The following NRXN1 variants were observed in gnomAD, a reference collection of about 807,000 sequenced individuals.
NRXN1 encodes neurexin 1, also known as neurexin-1.
A neutral mutation model predicts 150.9 loss-of-function variants in NRXN1; 39 were observed. That is an observed-to-expected ratio of 0.26 (90% CI 0.20 to 0.34). NRXN1 has a LOEUF of 0.34. Among genes scored for constraint, NRXN1 ranks in the 10% least tolerant of loss-of-function variants. The probability of loss-of-function intolerance (pLI) is 1.00; values close to 1 mark genes in which losing one functional copy is unlikely to be tolerated. For synonymous variants in NRXN1, 924 were observed against 757.0 expected, an observed-to-expected ratio of 1.22 and a Z score of -3.62; for missense variants, 1,815 against 1,949.9, an observed-to-expected ratio of 0.93 and a Z score of 1.30.
intron 5 of NRXN1, among the ~76,000 whole-genome samples, chr2:50,839,723 C>T (rs867090368): frequency 6.6e-5 from 10 of 152,014 alleles, no homozygotes; most frequent in African/African-American, 2.4e-4. Context: ...AAAGAAAACA[C>T]ATAAGAATGC....
chr2:50,821,829 C>T (rs918738064), intron 5 of NRXN1, among the ~76,000 whole-genome samples: 2 of 152,064 alleles, frequency 1.3e-5, no homozygotes, highest in African/African-American at 2.4e-5. Flanking sequence ...ATAAGGTGGA[C>T]AAATAAGTAG....
intron 2 of NRXN1, among the ~76,000 whole-genome samples, chr2:50,992,119 T>G (rs958522470): frequency 1.3e-5 from 2 of 151,976 alleles, no homozygotes; most frequent in Admixed American, 6.6e-5. Flanking sequence ...GAGAGAAGAA[T>G]AAACCTGGCT....
intron 5 of NRXN1, among the ~76,000 whole-genome samples, chr2:50,823,004 C>T (rs1327827858): frequency 6.6e-6 from 1 of 152,150 alleles, no homozygotes; most frequent in Non-Finnish European, 1.5e-5. Flanking sequence ...AACATTCAGT[C>T]GCTCAGCATA....
chr2:50,405,300 T>C (rs1352281115), intron 17 of NRXN1, among the ~76,000 whole-genome samples: 1 of 151,866 alleles, frequency 6.6e-6, no homozygotes, highest in Non-Finnish European at 1.5e-5. Context: ...ACACGGCAAA[T>C]AAAAATTTGT....
At chr2:50,096,188 G>C (rs1700196596) in intron 18 of NRXN1, among the ~76,000 whole-genome samples, 1 of 151,918 alleles carries the variant, frequency 6.6e-6, no homozygotes, top group South Asian at 2.1e-4. Context: ...TTCACCCCAA[G>C]TTGCATCAGG....
chr2:50,298,547 A>C (rs1293010522), intron 17 of NRXN1, among the ~76,000 whole-genome samples: 1 of 152,012 alleles, frequency 6.6e-6, no homozygotes, highest in Non-Finnish European at 1.5e-5. Context: ...TTTATAGAAC[A>C]AGCAAAATCA....
chr2:51,011,708 G>A (rs192044700), intron 2 of NRXN1, among the ~76,000 whole-genome samples: 187 of 152,084 alleles, frequency 1.2e-3, no homozygotes, highest in African/African-American at 4.4e-3. Context: ...AAATGAGTCT[G>A]GATAAGGAGA....
At chr2:50,018,623 T>C (rs1194679693) in intron 21 of NRXN1, among the ~76,000 whole-genome samples, 2 of 152,248 alleles carry the variant, frequency 1.3e-5, no homozygotes, top group African/African-American at 4.8e-5. Flanking sequence ...TGTAGTTGTA[T>C]GATACCTTGT....
chr2:50,640,331 T>C (rs1263316564), intron 5 of NRXN1, among the ~76,000 whole-genome samples: 1 of 152,200 alleles, frequency 6.6e-6, no homozygotes, highest in Non-Finnish European at 1.5e-5. Flanking sequence ...ATAAACTTTG[T>C]GTAATAATAT....
At chr2:50,541,910 G>A (rs2093398183) in intron 9 of NRXN1, among the ~76,000 whole-genome samples, 1 of 152,104 alleles carries the variant, frequency 6.6e-6, no homozygotes, top group Non-Finnish European at 1.5e-5. Flanking sequence ...ACAGATTTAA[G>A]GGTTACTATC....
chr2:50,711,581 T>A (rs895594717), intron 5 of NRXN1, among the ~76,000 whole-genome samples: 1 of 151,908 alleles, frequency 6.6e-6, no homozygotes, highest in Non-Finnish European at 1.5e-5. Context: ...GATGATCCAG[T>A]CACCTCGGCC....
intron 2 of NRXN1, among the ~76,000 whole-genome samples, chr2:51,008,226 A>C (rs1218268666): frequency 6.6e-6 from 1 of 151,910 alleles, no homozygotes; most frequent in Non-Finnish European, 1.5e-5. Context: ...AATCAAACAA[A>C]GAAGAGAGTC....
intron 22 of NRXN1, among the ~76,000 whole-genome samples, chr2:49,934,970 C>T (rs939949720): frequency 1.3e-5 from 2 of 152,172 alleles, no homozygotes; most frequent in Admixed American, 6.5e-5. Flanking sequence ...TTTAGAAATA[C>T]TTTGAAAAAC....
intron 19 of NRXN1, among the ~76,000 whole-genome samples, chr2:50,066,056 A>C (rs1367825080): frequency 6.6e-6 from 1 of 152,184 alleles, no homozygotes; most frequent in Non-Finnish European, 1.5e-5. Context: ...TATATTTACA[A>C]CTGCGGTTCC....
intron 17 of NRXN1, among the ~76,000 whole-genome samples, chr2:50,248,648 C>T (rs1413169284): frequency 1.3e-5 from 2 of 152,178 alleles, no homozygotes; most frequent in African/African-American, 2.4e-5. Context: ...ATTCTTTTAT[C>T]ATAATGTCAT....
At chr2:50,848,676 ATATTT>A (rs1468488165) in intron 5 of NRXN1, among the ~76,000 whole-genome samples, 2 of 152,178 alleles carry the variant, frequency 1.3e-5, no homozygotes, top group African/African-American at 4.8e-5. Flanking sequence ...TCAAATTATT[ATATTT>A]TATGTCTCTT....
chr2:50,743,094 T>G (rs1699627401), intron 5 of NRXN1, among the ~76,000 whole-genome samples: 1 of 152,148 alleles, frequency 6.6e-6, no homozygotes, highest in African/African-American at 2.4e-5. Context: ...GACAACAAAA[T>G]TAGAACATTT....
intron 22 of NRXN1, among the ~76,000 whole-genome samples, chr2:49,923,636 T>C (rs969764431): frequency 6.6e-6 from 1 of 152,210 alleles, no homozygotes; most frequent in African/African-American, 2.4e-5. Context: ...TGTTAATTAC[T>C]GGGAATCATT....
chr2:50,496,142 T>G, intron 14 of NRXN1, 47 bp from the exon 15 acceptor site: 1 of 1,442,610 alleles, frequency 6.9e-7, no homozygotes, highest in Non-Finnish European at 9.5e-7. Flanking sequence ...TTTTTAAATT[T>G]TGATGAACCT....
Sources: gnomAD v4.1 joint callset for allele counts (sites outside exome capture counted in the v4.1 genomes callset) on GRCh38, gnomAD v4.1.1 for gene constraint, MANE v1.5 for transcripts, NCBI Gene and HGNC (gene_info 2026-07-23, HGNC 2026-07-21) for gene names.